Variants in ASTN2 observed in about 807,000 individuals in gnomAD.
ASTN2 encodes the protein astrotactin 2.
In ASTN2, 54 loss-of-function variants were observed where a neutral mutation model predicts 139.8. The ratio of observed to expected loss-of-function variants is 0.39; its 90% CI spans 0.31 to 0.48. The LOEUF (loss-of-function observed/expected upper bound fraction) is 0.48, where lower values mean the gene tolerates loss of function less well. ASTN2 is among the 20% of genes least tolerant of loss of function. The pLI, the probability that ASTN2 is intolerant of heterozygous loss-of-function variation, is 0.95. For missense variants in ASTN2, 1,565 were observed against 1,725.1 expected (o/e 0.91, Z 1.64); for synonymous variants, 756 against 719.5 (o/e 1.05, Z -0.81).
intron 20 of ASTN2, among the ~76,000 whole-genome samples, chr9:116,477,501 A>G (rs1849020299): frequency 1.3e-5 from 2 of 152,036 alleles, no homozygotes; most frequent in African/African-American, 4.8e-5. Context: ...CTAAATTGCC[A>G]TTCAGCCCAG....
chr9:116,993,876 A>ATATATATATATATATT (rs1030120382), intron 7 of ASTN2, among the ~76,000 whole-genome samples: 50 of 142,044 alleles, frequency 3.5e-4, no homozygotes, highest in East Asian at 1.6e-3. Flanking sequence ...ATATATATAT[A>ATATATATATATATATT]TTTTAACTAT....
chr9:116,912,491 T>G (rs914658804), intron 10 of ASTN2, among the ~76,000 whole-genome samples: 3 of 152,242 alleles, frequency 2.0e-5, no homozygotes, highest in African/African-American at 7.2e-5. Flanking sequence ...GTTTAATTTA[T>G]AGGCTGGTTT....
intron 12 of ASTN2, among the ~76,000 whole-genome samples, chr9:116,820,375 T>C (rs1402933862): frequency 6.6e-6 from 1 of 152,254 alleles, no homozygotes; most frequent in African/African-American, 2.4e-5. Flanking sequence ...GGCCTGGGCA[T>C]GGGTTATATT....
At chr9:116,687,048 G>C (rs1860265442) in intron 16 of ASTN2, 1 of 1,331,702 alleles carries the variant, frequency 7.5e-7, no homozygotes, top group Admixed American at 3.1e-5. Flanking sequence ...ACGCATTCTG[G>C]CTTATCTCCT....
chr9:116,885,338 G>A (rs1431869623), intron 10 of ASTN2, among the ~76,000 whole-genome samples: 1 of 152,044 alleles, frequency 6.6e-6, no homozygotes, highest in East Asian at 1.9e-4. Context: ...CCATGAATAA[G>A]TATAAATACT....
chr9:116,491,146 A>G (rs529632437), intron 19 of ASTN2, among the ~76,000 whole-genome samples: 1 of 152,354 alleles, frequency 6.6e-6, no homozygotes, highest in South Asian at 2.1e-4. Context: ...CAAGATCATT[A>G]TAAGGATATT....
intron 10 of ASTN2, among the ~76,000 whole-genome samples, chr9:116,866,618 G>A (rs1297344095): frequency 2.0e-5 from 3 of 152,056 alleles, no homozygotes; most frequent in Non-Finnish European, 4.4e-5. Flanking sequence ...ATAAGGCAGA[G>A]GGACCAGGCT....
At chr9:117,145,512 A>G (rs2132867547) in intron 3 of ASTN2, among the ~76,000 whole-genome samples, 1 of 152,282 alleles carries the variant, frequency 6.6e-6, no homozygotes, top group East Asian at 1.9e-4. Flanking sequence ...TTCCTGTTTC[A>G]GTACCATGTT....
intron 6 of ASTN2, among the ~76,000 whole-genome samples, chr9:117,034,489 C>A (rs971782722): frequency 2.6e-5 from 4 of 152,204 alleles, no homozygotes; most frequent in African/African-American, 9.6e-5. Flanking sequence ...TGGAGGAAAC[C>A]AAAGACCCTT....
At chr9:116,481,747 CCCCCACCTCCCATCTATAGGCTGTGAT>C (rs1180008756) in intron 20 of ASTN2, among the ~76,000 whole-genome samples, 2 of 152,082 alleles carry the variant, frequency 1.3e-5, no homozygotes, top group African/African-American at 4.8e-5. Flanking sequence ...GTGTGAAGTA[CCCCCACCTCCCATCTATAGGCTGTGAT>C]CTGAGTCTTC....
In ASTN2 at chr9:116,881,519, C is replaced by T. The variant is rs187176740; in HGVS notation, c.1890-17786G>A. Reference sequence around the variant, plus strand: ...TGTCAAATGGAGACTATAGCACCTACCTCTCAGGACTGATATTAAAACAAA... The same window carrying T: ...TGTCAAATGGAGACTATAGCACCTATCTCTCAGGACTGATATTAAAACAAA... On this transcript the variant is annotated intron_variant, in intron 10 of 22. Coordinates refer to ENST00000313400, the MANE Select transcript of ASTN2 (RefSeq NM_001365068.1). Among the ~76,000 whole-genome samples the T allele has an allele frequency of 4.4e-3, 673 of 152,310 alleles. 1 individual carries two copies. Among genetic ancestry groups the T allele is most frequent in the Non-Finnish European group, 7.0e-3 (479 of 68,030 alleles).
At position 117,214,684 on chromosome 9, in the gene ASTN2, T is replaced by C; in HGVS notation, c.689A>G (p.Gln230Arg). Residue 230 changes from glutamine to arginine, a missense_variant, in exon 3 of 23, where the codon CAG becomes CGG. Around this residue, in one of 4 missense-constraint regions of ASTN2, gnomAD observed 596 missense variants for 576.8 expected, o/e 1.03. Coordinates refer to ENST00000313400, the MANE Select transcript of ASTN2 (RefSeq NM_001365068.1). ...GCGGCGACGCTTCTGCCAACGTCGC[T>C]GGGCGTACAGCGCCACGGTGAACAC... The part of the protein sequence containing the change: ...LLVFTVALYA[Q>R]RRWQKRRRIP... 1 of 1,541,824 alleles carries C rather than the reference T, an allele frequency of 6.5e-7. No homozygotes were observed. The highest frequency in any genetic ancestry group is 8.8e-7 in the Non-Finnish European group (1 of 1,137,580).
chr9:117,067,999 T>C (rs1587926891), intron 5 of ASTN2, among the ~76,000 whole-genome samples: 1 of 102,754 alleles, frequency 9.7e-6, no homozygotes, highest in Non-Finnish European at 2.0e-5. Context: ...GACCCTTTAT[T>C]TCCTTCTCCT....
rs138804229 is a variant in ASTN2, at chr9:116,978,522, C to CACACACACACACACACAG, written c.1592-1738_1592-1737insCTGTGTGTGTGTGTGTGT. ...ACACACACACACACACACACACACA[C>CACACACACACACACACAG]AGAGAGATAAACCTGTCACCCTTGG... is the stretch of plus-strand genomic sequence containing the variant. On this transcript the variant is annotated intron_variant, in intron 7 of 22. Coordinates refer to ENST00000313400, the MANE Select transcript of ASTN2 (RefSeq NM_001365068.1). Among the ~76,000 whole-genome samples the CACACACACACACACACAG allele has an allele frequency of 2.0e-4, 30 of 150,388 alleles. No homozygotes were observed. The East Asian group carries it at 4.9e-3, about 25-fold the overall frequency.
intron 19 of ASTN2, among the ~76,000 whole-genome samples, chr9:116,616,033 A>T (rs1398028238): frequency 6.6e-6 from 1 of 152,212 alleles, no homozygotes; most frequent in East Asian, 1.9e-4. Flanking sequence ...CTTCTGTTCA[A>T]TATAGTACTA....
chr9:116,792,544 AC>A (rs1830586140), intron 13 of ASTN2, among the ~76,000 whole-genome samples: 1 of 152,168 alleles, frequency 6.6e-6, no homozygotes, highest in African/African-American at 2.4e-5. Context: ...CTCTGTTGGC[AC>A]TGATCTCTAA....
intron 3 of ASTN2, among the ~76,000 whole-genome samples, chr9:117,160,573 T>C (rs574437468): frequency 6.6e-6 from 1 of 152,182 alleles, no homozygotes; most frequent in East Asian, 1.9e-4. Context: ...TCATTAAACA[T>C]ATTATATATT....
chr9:116,692,695 T>C (rs572600335), intron 16 of ASTN2, among the ~76,000 whole-genome samples: 1 of 152,304 alleles, frequency 6.6e-6, no homozygotes, highest in Admixed American at 6.5e-5. Context: ...TTAGTCCTAG[T>C]TCTGTTGTGT....
intron 4 of ASTN2, among the ~76,000 whole-genome samples, chr9:117,108,224 A>G (rs185287694): frequency 6.6e-6 from 1 of 152,300 alleles, no homozygotes; most frequent in Admixed American, 6.5e-5. Flanking sequence ...TGTTATTCCC[A>G]GTATTCCATG....
Sources: gnomAD v4.1 joint callset for allele counts (sites outside exome capture counted in the v4.1 genomes callset) on GRCh38, gnomAD v4.1.1 for gene constraint, gnomAD v4.1.1 regional missense constraint, MANE v1.5 for transcripts, NCBI Gene and HGNC (gene_info 2026-07-23, HGNC 2026-07-21) for gene names.